The following C17orf78 variants were observed in gnomAD, a reference collection of about 807,000 sequenced individuals.
C17orf78 encodes the protein chromosome 17 open reading frame 78, also known as uncharacterized protein C17orf78.
A neutral mutation model predicts 31.8 loss-of-function variants in C17orf78; 27 were observed. The ratio of observed to expected loss-of-function variants is 0.85; its 90% CI spans 0.63 to 1.17. The LOEUF (loss-of-function observed/expected upper bound fraction) is 1.17. Ranked by LOEUF, C17orf78 falls within the 50% of genes most tolerant of loss-of-function variation. C17orf78 has a pLI of 0.00. For synonymous variants in C17orf78, 106 were observed against 115.1 expected, an observed-to-expected ratio of 0.92 and a Z score of 0.51; for missense variants, 258 against 315.2, an observed-to-expected ratio of 0.82 and a Z score of 1.37.
At chr17:37,390,308 A>ATT (rs2050793937) in intron 6 of C17orf78, among the ~76,000 whole-genome samples, 2 of 45,440 alleles carry the variant, frequency 4.4e-5, no homozygotes, top group South Asian at 1.3e-3. Flanking sequence ...ACATAATTAT[A>ATT]TATATATATA....
At chr17:37,382,407 C>T (rs1597758599) in intron 3 of C17orf78, among the ~76,000 whole-genome samples, 1 of 151,444 alleles carries the variant, frequency 6.6e-6, no homozygotes, top group African/African-American at 2.4e-5. Context: ...ACTGGCAGTC[C>T]CCTAGATGCT....
chr17:37,386,950 T>TG (rs1468340410), intron 4 of C17orf78: 2 of 152,402 alleles, frequency 1.3e-5, no homozygotes, highest in Non-Finnish European at 2.9e-5. Context: ...CCTGAGTAGC[T>TG]GGGACTACAG....
In C17orf78 at chr17:37,379,438, A is replaced by C. The variant is rs920119950; in HGVS notation, c.391+56A>C. 1.9e-6 allele frequency: 3 copies of C among 1,556,772 alleles called. No individual in the cohort carries two copies. In the African/African-American group the frequency reaches 4.1e-5, roughly 21 times the overall value. On this transcript the variant is annotated intron_variant, in intron 3 of 6. Transcript: ENST00000615133. ...ACTAACTTTTAGTTGACATCCTTGA[A>C]GGCAGCCAGAACTCCGTAGCAGGAA...
At chr17:37,391,532 T>A (rs1241066351) in intron 6 of C17orf78, 115 bp from the exon 7 acceptor site, 1 of 880,404 alleles carries the variant, frequency 1.1e-6, no homozygotes. Flanking sequence ...AGAGGCAAAA[T>A]GAAGTGCACT....
rs766956579 is a variant in C17orf78 at position 37,391,714 on chromosome 17, C to T, written c.818C>T (p.Thr273Ile). 3 of 1,613,640 alleles carry T rather than the reference C, an allele frequency of 1.9e-6. No homozygotes were observed. The highest frequency in any genetic ancestry group is 3.3e-5 in the Admixed American group (2 of 60,016). Residue 273 changes from threonine to isoleucine, a missense_variant, in exon 7 of 7, where the codon ACA becomes ATA. Thr to Ile is a moderately conservative substitution (Grantham distance 89, BLOSUM62 -1). Transcript: ENST00000615133. ...GCAGAGATCACTGTTATCCACCAGACATACTTCTGAAAAGTTCTGCTCTAT... is the reference window on the plus strand; with the variant it reads ...GCAGAGATCACTGTTATCCACCAGATATACTTCTGAAAAGTTCTGCTCTAT... ...KAAEITVIHQTYF is the reference protein window; with the variant it reads ...KAAEITVIHQIYF
At chr17:37,381,117 C>T (rs1282441125) in intron 3 of C17orf78, among the ~76,000 whole-genome samples, 2 of 151,836 alleles carry the variant, frequency 1.3e-5, no homozygotes, top group Non-Finnish European at 2.9e-5. Context: ...GGTAACATAC[C>T]ATATACACTG....
intron 6 of C17orf78, among the ~76,000 whole-genome samples, chr17:37,390,333 T>TAA (rs1403058821): frequency 2.6e-4 from 24 of 92,156 alleles, no homozygotes; most frequent in Non-Finnish European, 3.9e-4. Context: ...TATATATATA[T>TAA]AAAAGGCCAG....
chr17:37,381,667 G>T (rs1179396278), intron 3 of C17orf78, among the ~76,000 whole-genome samples: 2 of 120,170 alleles, frequency 1.7e-5, no homozygotes, highest in East Asian at 5.0e-4. Flanking sequence ...TCGCTCCGTT[G>T]CCCAGGCTGG....
intron 3 of C17orf78, among the ~76,000 whole-genome samples, chr17:37,381,927 A>G (rs1386078091): frequency 6.6e-6 from 1 of 151,910 alleles, no homozygotes; most frequent in Non-Finnish European, 1.5e-5. Flanking sequence ...GCACCCGGCC[A>G]TGTCTCTTCT....
chr17:37,391,051 C>T (rs2050861831), intron 6 of C17orf78, among the ~76,000 whole-genome samples: 1 of 151,854 alleles, frequency 6.6e-6, no homozygotes, highest in Non-Finnish European at 1.5e-5. Context: ...CCAGCCTGAC[C>T]AACAAGGTGA....
At chr17:37,386,366 C>A (rs141048333) in intron 4 of C17orf78, among the ~76,000 whole-genome samples, 1 of 151,888 alleles carries the variant, frequency 6.6e-6, no homozygotes, top group Non-Finnish European at 1.5e-5. Context: ...CCGAGGTGGG[C>A]GGATCACCTG....
intron 4 of C17orf78, 73 bp downstream of exon 4, chr17:37,386,198 T>G: frequency 3.0e-6 from 3 of 988,444 alleles, no homozygotes; most frequent in Non-Finnish European, 4.5e-6. Flanking sequence ...AAGAAACATT[T>G]TTAGCCCCAG....
intron 3 of C17orf78, among the ~76,000 whole-genome samples, chr17:37,383,093 C>T (rs1277656683): frequency 6.6e-6 from 1 of 152,146 alleles, no homozygotes; most frequent in Non-Finnish European, 1.5e-5. Context: ...AATATTAATG[C>T]AAATTAATTA....
chr17:37,388,809 G>T lies in C17orf78; in HGVS notation c.633+15G>T. On this transcript the variant is annotated intron_variant, in intron 5 of 6. Transcript: ENST00000615133. ...TCCCATGTCCTGTAAGTTTGCTGTT[G>T]TATTGAATCCTTGAACTTGACCCAT... 1 of 1,612,480 alleles carries T rather than the reference G, an allele frequency of 6.2e-7. No individual in the cohort carries two copies. The highest frequency in any genetic ancestry group is 8.5e-7 in the Non-Finnish European group (1 of 1,179,450).
intron 4 of C17orf78, 46 bp from the exon 5 acceptor site, chr17:37,388,624 T>C (rs1325761839): frequency 6.3e-7 from 1 of 1,581,564 alleles, no homozygotes; most frequent in Admixed American, 1.7e-5. Flanking sequence ...CTCTTTCCTC[T>C]CTCAAATTTT....
chr17:37,379,488 A>C, intron 3 of C17orf78, 106 bp downstream of exon 3: 1 of 1,363,344 alleles, frequency 7.3e-7, no homozygotes, highest in Non-Finnish European at 9.9e-7. Flanking sequence ...TGAATTATCC[A>C]CTTTTTGATG....
chr17:37,378,217 G>GA (rs2050092327), intron 2 of C17orf78, among the ~76,000 whole-genome samples: 1 of 152,192 alleles, frequency 6.6e-6, no homozygotes, highest in African/African-American at 2.4e-5. Flanking sequence ...CTGCATTAAA[G>GA]AAAAATCTAT....
At chr17:37,381,718 C>G (rs1322207679) in intron 3 of C17orf78, among the ~76,000 whole-genome samples, 1 of 150,036 alleles carries the variant, frequency 6.7e-6, no homozygotes, top group African/African-American at 2.5e-5. Context: ...AGCTCCGCCT[C>G]TCGGGTTCAC....
chr17:37,382,846 G>A (rs188642105), intron 3 of C17orf78, among the ~76,000 whole-genome samples: 4 of 152,130 alleles, frequency 2.6e-5, no homozygotes, highest in East Asian at 1.9e-4. Context: ...GCGACAGAGC[G>A]AGACTCTGTC....
Sources: gnomAD v4.1 joint callset for allele counts (sites outside exome capture counted in the v4.1 genomes callset) on GRCh38, gnomAD v4.1.1 for gene constraint, MANE v1.5 for transcripts, NCBI Gene and HGNC (gene_info 2026-07-23, HGNC 2026-07-21) for gene names.